The following LOXL2 variants were observed in gnomAD, a reference collection of about 807,000 sequenced individuals.
LOXL2 encodes lysyl oxidase like 2.
A neutral mutation model predicts 93.0 loss-of-function variants in LOXL2; 70 were observed. The observed-to-expected ratio is 0.75, with a 90% CI of 0.62 to 0.92. The LOEUF (loss-of-function observed/expected upper bound fraction) is 0.92. LOXL2 is among the 40% of genes least tolerant of loss of function. LOXL2 has a pLI of 0.00. For missense variants in LOXL2, 973 were observed against 1,054.9 expected (o/e 0.92, Z 1.08); for synonymous variants, 438 against 413.2 (o/e 1.06, Z -0.73).
chr8:23,399,862 G>T (rs1053371173), intron 1 of LOXL2, among the ~76,000 whole-genome samples: 2 of 152,176 alleles, frequency 1.3e-5, no homozygotes, highest in South Asian at 4.2e-4. Context: ...TAAGGAAAAA[G>T]AATCTATGGC....
chr8:23,326,427 T>G (rs1384760884), intron 6 of LOXL2, among the ~76,000 whole-genome samples: 1 of 151,978 alleles, frequency 6.6e-6, no homozygotes, highest in Non-Finnish European at 1.5e-5. Context: ...AACCCACACA[T>G]CGGCCAATCA....
At chr8:23,391,760 G>A (rs1242662346) in intron 1 of LOXL2, among the ~76,000 whole-genome samples, 1 of 152,194 alleles carries the variant, frequency 6.6e-6, no homozygotes, top group Non-Finnish European at 1.5e-5. Context: ...AAAATTCCTG[G>A]AGGGGGAGTG....
At chr8:23,381,969 G>A (rs937234052) in intron 1 of LOXL2, among the ~76,000 whole-genome samples, 5 of 152,224 alleles carry the variant, frequency 3.3e-5, no homozygotes, top group East Asian at 3.8e-4. Context: ...TGCATGGCTC[G>A]GAGTAGACCC....
At chr8:23,310,086 T>C (rs1475169592) in intron 9 of LOXL2, among the ~76,000 whole-genome samples, 175 bp from the exon 10 acceptor site, 1 of 152,218 alleles carries the variant, frequency 6.6e-6, no homozygotes, top group Non-Finnish European at 1.5e-5. Context: ...CCTCTTTTCC[T>C]CTGCTGTGAG....
intron 9 of LOXL2, 191 bp downstream of exon 9, chr8:23,316,758 A>C (rs1803407505): frequency 3.4e-6 from 2 of 581,722 alleles, no homozygotes; most frequent in Non-Finnish European, 5.8e-6. Context: ...TCTCCCCACT[A>C]CATCATAGAC....
chr8:23,354,951 T>TATATATATATATATATA (rs1563200197), intron 3 of LOXL2, among the ~76,000 whole-genome samples: 6 of 19,156 alleles, frequency 3.1e-4, no homozygotes, highest in African/African-American at 8.6e-4. Flanking sequence ...ATATATATAT[T>TATATATATATATATATA]TTTTTTTTTT....
At chr8:23,395,207 T>A (rs1800075558) in intron 1 of LOXL2, among the ~76,000 whole-genome samples, 1 of 151,268 alleles carries the variant, frequency 6.6e-6, no homozygotes, top group African/African-American at 2.4e-5. Flanking sequence ...TGAGCCGAGA[T>A]GGCGCCACTG....
At chr8:23,348,013 AAAGTAT>A (rs1165648338) in intron 3 of LOXL2, among the ~76,000 whole-genome samples, 3 of 152,182 alleles carry the variant, frequency 2.0e-5, no homozygotes, top group Admixed American at 1.3e-4. Flanking sequence ...CCTAGAACTT[AAAGTAT>A]AATTAAAAAA....
chr8:23,400,563 T>C (rs1284391079), intron 1 of LOXL2, among the ~76,000 whole-genome samples: 2 of 152,198 alleles, frequency 1.3e-5, no homozygotes, highest in Admixed American at 1.3e-4. Flanking sequence ...ATATCTTCAT[T>C]GGTCAAATGC....
intron 1 of LOXL2, among the ~76,000 whole-genome samples, chr8:23,375,635 G>A (rs1804575396): frequency 6.6e-6 from 1 of 152,144 alleles, no homozygotes; most frequent in African/African-American, 2.4e-5. Context: ...GCAGTGGTTT[G>A]TAGTTCTCCT....
intron 1 of LOXL2, among the ~76,000 whole-genome samples, chr8:23,396,116 C>G (rs1052291657): frequency 6.6e-6 from 1 of 151,938 alleles, no homozygotes; most frequent in East Asian, 1.9e-4. Context: ...GTCGGGAGTT[C>G]GGGAGCAGCC....
In LOXL2 at chr8:23,297,924, C is replaced by G. The variant is rs1230146275; in HGVS notation, c.*119G>C. On this transcript the variant is annotated 3_prime_UTR_variant, in exon 14 of 14. Coordinates refer to ENST00000389131, the MANE Select transcript of LOXL2 (RefSeq NM_002318.3). ...TTAGACACAGCTGTAGGGGTCTGGA[C>G]AGGGTGGGGGCCGGGCTGGGTGAGG... 2.1e-5 allele frequency: 16 copies of G among 763,978 alleles called. No homozygotes were observed. The highest frequency in any genetic ancestry group is 3.4e-5 in the Non-Finnish European group (15 of 446,038). The allele number at this position is 763,978 out of a possible 1,614,324, so 47.3% of individuals were successfully genotyped here.
chr8:23,319,405 A>G (rs1015157960), intron 8 of LOXL2, among the ~76,000 whole-genome samples: 4 of 150,020 alleles, frequency 2.7e-5, no homozygotes, highest in African/African-American at 5.1e-5. Context: ...TAGCGTGTCA[A>G]TGGGAGAATG....
intron 3 of LOXL2, among the ~76,000 whole-genome samples, chr8:23,343,740 C>T (rs1173281190): frequency 1.3e-5 from 2 of 152,172 alleles, no homozygotes; most frequent in East Asian, 1.9e-4. Context: ...TGCCTTCCAG[C>T]CTGGATCCTG....
At chr8:23,346,299 A>C (rs576116339) in intron 3 of LOXL2, among the ~76,000 whole-genome samples, 10 of 152,182 alleles carry the variant, frequency 6.6e-5, no homozygotes, top group Non-Finnish European at 1.3e-4. Context: ...ACCTGATGCT[A>C]TCCCTCTTGC....
intron 1 of LOXL2, among the ~76,000 whole-genome samples, chr8:23,386,460 A>G (rs28391397): frequency 0.028 from 4,298 of 152,294 alleles, 231 homozygotes; most frequent in African/African-American, 0.098. Flanking sequence ...GAATAAACAA[A>G]TATGTAAGTT....
At chr8:23,330,420 C>T (rs1803653682) in intron 5 of LOXL2, among the ~76,000 whole-genome samples, 1 of 152,154 alleles carries the variant, frequency 6.6e-6, no homozygotes, top group Non-Finnish European at 1.5e-5. Context: ...TGGCTGCAAC[C>T]TCTGTTTTCT....
chr8:23,337,482 C>T (rs2117177248), intron 4 of LOXL2: 1 of 152,292 alleles, frequency 6.6e-6, no homozygotes, highest in Admixed American at 6.5e-5. Context: ...AACATCCAAC[C>T]TCCCTAAGCT....
At chr8:23,360,295 G>A in intron 2 of LOXL2, 30 bp from the exon 3 acceptor site, 1 of 1,551,098 alleles carries the variant, frequency 6.4e-7, no homozygotes, top group Non-Finnish European at 8.8e-7. Context: ...GAGAAACCAA[G>A]TGCTGCGTCA....
Sources: allele counts gnomAD v4.1 joint callset (sites outside exome capture counted in the v4.1 genomes callset), GRCh38; gene constraint gnomAD v4.1.1; transcripts MANE v1.5; gene names NCBI Gene and HGNC (gene_info 2026-07-23, HGNC 2026-07-21).